The following ABCD2 variants were observed in gnomAD, a reference collection of about 807,000 sequenced individuals.
ABCD2 encodes ATP binding cassette subfamily D member 2, also known as ATP-binding cassette sub-family D member 2.
ABCD2 carries 36 observed loss-of-function variants against 70.9 expected under a neutral mutation model. The observed-to-expected ratio is 0.51, with a 90% CI of 0.39 to 0.67. The LOEUF (loss-of-function observed/expected upper bound fraction) is 0.67, where lower values mean the gene tolerates loss of function less well. ABCD2 is among the 30% of genes least tolerant of loss of function. The pLI, the probability that ABCD2 is intolerant of heterozygous loss-of-function variation, is 0.00. For missense variants in ABCD2, 729 were observed against 890.2 expected (o/e 0.82, Z 2.30); for synonymous variants, 304 against 306.9 (o/e 0.99, Z 0.10).
chr12:39,616,409 A>G (rs982237150), intron 2 of ABCD2, among the ~76,000 whole-genome samples: 4 of 152,094 alleles, frequency 2.6e-5, no homozygotes, highest in Admixed American at 2.6e-4. Context: ...GACAACCACC[A>G]TTCCTACAAA....
chr12:39,546,914 G>GAAGGAT (rs1293066874), downstream of ABCD2, among the ~76,000 whole-genome samples: 3 of 138,944 alleles, frequency 2.2e-5, no homozygotes, highest in African/African-American at 1.0e-4. Flanking sequence ...AGGAATGGAG[G>GAAGGAT]AAGGATAAGG....
intron 6 of ABCD2, among the ~76,000 whole-genome samples, chr12:39,590,454 C>A (rs776493277): frequency 8.5e-5 from 13 of 152,076 alleles, no homozygotes; most frequent in African/African-American, 1.7e-4. Context: ...CCAGAATCAT[C>A]TCTATATGTT....
At position 39,556,982 on chromosome 12, in the gene ABCD2, C is replaced by CAA. The variant is rs57091997; in HGVS notation, c.2004-2853_2004-2852dup. Among the ~76,000 whole-genome samples, 665 of 110,656 alleles carry CAA rather than the reference C, an allele frequency of 6.0e-3. 4 individuals are homozygous for CAA. The highest frequency in any genetic ancestry group is 0.01 in the African/African-American group (329 of 31,396). 72.6% of individuals were successfully genotyped at this position (110,656 alleles called of 152,430 possible). On this transcript the variant is annotated intron_variant, in intron 9 of 9. Coordinates refer to ENST00000308666, the MANE Select transcript of ABCD2 (RefSeq NM_005164.4). ...TGGGTGACAGAGTGAGACTCTGTCT[C>CAA]AAAAAAAAAAAAAAAGATTCCCAAA... is the stretch of plus-strand genomic sequence containing the variant.
At chr12:39,531,965 A>AT in the ABCD2 span, among the ~76,000 whole-genome samples, 11 of 152,166 alleles carry the variant, frequency 7.2e-5, no homozygotes, top group Non-Finnish European at 1.0e-4. Context: ...GTGTTGAAAG[A>AT]TTTTTTTCTT....
At chr12:39,593,027 C>T (rs1278121755) in intron 6 of ABCD2, among the ~76,000 whole-genome samples, 1 of 152,072 alleles carries the variant, frequency 6.6e-6, no homozygotes. Context: ...TTAACAGCAC[C>T]CTTTCTGTCC....
intron 9 of ABCD2, among the ~76,000 whole-genome samples, chr12:39,557,927 A>G (rs1566529333): frequency 6.6e-6 from 1 of 152,198 alleles, no homozygotes; most frequent in Non-Finnish European, 1.5e-5. Context: ...CAGAAGGAAA[A>G]TGTGAGGTCA....
Position 39,573,834 on chromosome 12 carries a change from A to G in ABCD2, c.1885T>C (p.Tyr629His). 6.2e-7 allele frequency: 1 copy of G among 1,609,280 alleles called. No homozygotes were observed. The highest frequency in any genetic ancestry group is 1.1e-5 in the South Asian group (1 of 89,918). The change falls in exon 9 of 10, where the codon TAT becomes CAT. Residue 629 changes from tyrosine (Y) to histidine (H), a missense_variant. By Grantham distance (83) the Tyr-to-His change is moderately conservative. This residue lies in a region of ABCD2 where 289 missense variants were observed against 328.8 expected (regional missense o/e 0.88). Coordinates refer to ENST00000308666, the MANE Select transcript of ABCD2 (RefSeq NM_005164.4). ...CTGGTACATTCATCCAGCAAGGCAT[A>G]TTTTGGTCTTTTAAAAAGTACACAC... The part of the protein sequence containing the change: ...MARMFYHKPK[Y>H]ALLDECTSAV...
intron 9 of ABCD2, among the ~76,000 whole-genome samples, chr12:39,568,915 A>G (rs1941402924): frequency 6.6e-6 from 1 of 152,184 alleles, no homozygotes; most frequent in African/African-American, 2.4e-5. Context: ...TTGTCTGGGT[A>G]TCAGCTGTGG....
At position 39,594,381 on chromosome 12, in the gene ABCD2, T is replaced by G. The variant is rs74088752; in HGVS notation, c.1646+6190A>C. Among the ~76,000 whole-genome samples the G allele has an allele frequency of 2.5e-3, 381 of 152,268 alleles. 2 individuals are homozygous for G. Among genetic ancestry groups the G allele is most frequent in the African/African-American group, 8.6e-3 (359 of 41,540 alleles). The stretch of plus-strand genomic sequence containing the variant: ...TAGAATTGTGACTAGCACACACTAA[T>G]TGTTTGACATATTGTTAATTACAAA... On this transcript the variant is annotated intron_variant, in intron 6 of 9. Coordinates refer to ENST00000308666, the MANE Select transcript of ABCD2 (RefSeq NM_005164.4).
intron 7 of ABCD2, 141 bp downstream of exon 7, chr12:39,586,011 G>C: frequency 1.4e-6 from 1 of 689,970 alleles, no homozygotes; most frequent in Non-Finnish European, 2.2e-6. Flanking sequence ...TAATGGAACA[G>C]CAATAAAACT....
At chr12:39,587,585 A>C (rs1156567314) in intron 6 of ABCD2, among the ~76,000 whole-genome samples, 1 of 152,238 alleles carries the variant, frequency 6.6e-6, no homozygotes, top group Admixed American at 6.5e-5. Context: ...TATTTAAAAA[A>C]GGAAACACAG....
chr12:39,554,200 C>T (rs1941128119), intron 9 of ABCD2, 69 bp from the exon 10 acceptor site: 2 of 1,466,060 alleles, frequency 1.4e-6, no homozygotes, highest in South Asian at 2.7e-5. Context: ...GTAGGTTTAT[C>T]ATTCAAATTG....
rs777475688 is a variant in ABCD2, at chr12:39,600,744, G to T, written c.1501-28C>A. On this transcript the variant is annotated intron_variant, in intron 5 of 9. Transcript: ENST00000308666. Reference sequence around the variant, plus strand: ...AAAGTAAGAAATAAAATTACAAACTGCAATAGTTTAAAATGATTTATTTTG... The same window carrying T: ...AAAGTAAGAAATAAAATTACAAACTTCAATAGTTTAAAATGATTTATTTTG... 9 of 1,561,134 alleles carry T rather than the reference G, an allele frequency of 5.8e-6. No homozygotes were observed. The South Asian group carries it at 9.4e-5, about 16-fold the overall frequency.
chr12:39,604,072 A>C (rs1941937975), intron 4 of ABCD2, 66 bp from the exon 5 acceptor site: 1 of 1,082,900 alleles, frequency 9.2e-7, no homozygotes, highest in Non-Finnish European at 1.4e-6. Flanking sequence ...AACGTAAATT[A>C]TTATGCAGTA....
chr12:39,555,870 C>T (rs1941157804), intron 9 of ABCD2, among the ~76,000 whole-genome samples: 2 of 152,140 alleles, frequency 1.3e-5, no homozygotes, highest in African/African-American at 2.4e-5. Flanking sequence ...GACTCAGTGG[C>T]TGGGGGCTCA....
chr12:39,556,218 T>C (rs1382905936), intron 9 of ABCD2, among the ~76,000 whole-genome samples: 1 of 152,170 alleles, frequency 6.6e-6, no homozygotes, highest in Non-Finnish European at 1.5e-5. Context: ...TCTAAAAAGA[T>C]GGAGATGTTT....
intron 2 of ABCD2, among the ~76,000 whole-genome samples, chr12:39,608,815 TC>T (rs1443130043): frequency 1.3e-5 from 2 of 152,208 alleles, no homozygotes; most frequent in Non-Finnish European, 2.9e-5. Context: ...TGGTGTGGTT[TC>T]TTTAATAGAA....
intron 6 of ABCD2, among the ~76,000 whole-genome samples, chr12:39,593,246 GTTTTAT>G (rs1231338957): frequency 1.3e-5 from 2 of 151,880 alleles, no homozygotes; most frequent in Admixed American, 6.6e-5. Flanking sequence ...TTATTTTTTT[GTTTTAT>G]TTTTATTTTT....
At chr12:39,600,489 T>A (rs747940354) in intron 6 of ABCD2, 82 bp downstream of exon 6, 35 of 1,293,640 alleles carry the variant, frequency 2.7e-5, no homozygotes, top group Admixed American at 1.2e-4. Flanking sequence ...CTTAAAGATA[T>A]ATAAACTGAG....
Sources: allele counts gnomAD v4.1 joint callset (sites outside exome capture counted in the v4.1 genomes callset), GRCh38; gene constraint gnomAD v4.1.1; regional missense constraint gnomAD v4.1.1; transcripts MANE v1.5; gene names NCBI Gene and HGNC (gene_info 2026-07-23, HGNC 2026-07-21).